CTNNA3: variants seen among roughly 807,000 people sequenced by gnomAD.
CTNNA3 encodes catenin alpha 3.
A neutral mutation model predicts 95.7 loss-of-function variants in CTNNA3; 76 were observed. That is an observed-to-expected ratio of 0.79 (90% CI 0.66 to 0.96). CTNNA3 has a LOEUF of 0.96. CTNNA3 is among the 40% of genes least tolerant of loss of function. The pLI, the probability that CTNNA3 is intolerant of heterozygous loss-of-function variation, is 0.00. For missense variants in CTNNA3, 1,191 were observed against 1,089.8 expected, an observed-to-expected ratio of 1.09 and a Z score of -1.31; for synonymous variants, 431 against 374.4, an observed-to-expected ratio of 1.15 and a Z score of -1.74.
intron 1 of CTNNA3, among the ~76,000 whole-genome samples, chr10:67,726,639 A>T (rs867534430): frequency 1.1e-3 from 2 of 1,770 alleles, no homozygotes; most frequent in Admixed American, 0.01. Flanking sequence ...TATTATATAT[A>T]ATATATACTA....
chr10:67,754,210 A>C (rs1010934481), intron 1 of CTNNA3, among the ~76,000 whole-genome samples: 1 of 152,188 alleles, frequency 6.6e-6, no homozygotes, highest in African/African-American at 2.4e-5. Context: ...AAACTCACAC[A>C]GGAACAGAAA....
chr10:66,048,536 G>A (rs921474441), intron 15 of CTNNA3, among the ~76,000 whole-genome samples: 6 of 152,098 alleles, frequency 3.9e-5, no homozygotes, highest in East Asian at 1.9e-4. Context: ...TGAGACGGGC[G>A]GATCACGAGG....
At chr10:67,177,921 C>T (rs1288900426) in intron 7 of CTNNA3, among the ~76,000 whole-genome samples, 1 of 152,178 alleles carries the variant, frequency 6.6e-6, no homozygotes, top group Non-Finnish European at 1.5e-5. Flanking sequence ...TACACAGGGG[C>T]AGCTTCAGGG....
At chr10:65,977,123 G>T (rs893048932) in intron 16 of CTNNA3, among the ~76,000 whole-genome samples, 1 of 152,052 alleles carries the variant, frequency 6.6e-6, no homozygotes, top group Non-Finnish European at 1.5e-5. Context: ...AGTAACATTT[G>T]CTTTAAAATA....
At chr10:66,195,198 C>T (rs2086887816) in intron 13 of CTNNA3, among the ~76,000 whole-genome samples, 1 of 151,698 alleles carries the variant, frequency 6.6e-6, no homozygotes, top group Non-Finnish European at 1.5e-5. Context: ...CAAGAGCTTC[C>T]CTGTATCTTT....
chr10:66,632,635 G>T (rs1389118581), intron 9 of CTNNA3, among the ~76,000 whole-genome samples: 1 of 151,412 alleles, frequency 6.6e-6, no homozygotes, highest in Non-Finnish European at 1.5e-5. Context: ...GTGTTTTTCA[G>T]GGTAATGGTA....
At chr10:67,204,475 G>A (rs111680855) in intron 6 of CTNNA3, among the ~76,000 whole-genome samples, 4,062 of 152,152 alleles carry the variant, frequency 0.027, 151 homozygotes, top group South Asian at 0.18. Context: ...AGAAGCTCTC[G>A]TGCTTCCTGT....
chr10:66,537,283 A>T (rs976932380), intron 10 of CTNNA3, among the ~76,000 whole-genome samples: 5 of 152,298 alleles, frequency 3.3e-5, no homozygotes, highest in African/African-American at 1.2e-4. Context: ...TTGCAATTAC[A>T]GTCACAAAGA....
chr10:66,442,808 T>A (rs10997129), intron 11 of CTNNA3, among the ~76,000 whole-genome samples: 1 of 150,834 alleles, frequency 6.6e-6, no homozygotes, highest in Non-Finnish European at 1.5e-5. Flanking sequence ...AGACAGTGGG[T>A]GCAGGACAGT....
intron 10 of CTNNA3, among the ~76,000 whole-genome samples, chr10:66,568,018 C>T (rs1182743412): frequency 2.0e-5 from 3 of 152,188 alleles, no homozygotes; most frequent in Non-Finnish European, 4.4e-5. Flanking sequence ...TTCACATTTA[C>T]AGTAATTACT....
intron 7 of CTNNA3, among the ~76,000 whole-genome samples, chr10:66,904,143 A>G (rs529095455): frequency 6.6e-6 from 1 of 152,332 alleles, no homozygotes; most frequent in East Asian, 1.9e-4. Context: ...AACAGTAACC[A>G]AAACAGCATG....
intron 9 of CTNNA3, among the ~76,000 whole-genome samples, chr10:66,732,279 C>T (rs1368834489): frequency 6.6e-6 from 1 of 152,144 alleles, no homozygotes; most frequent in Admixed American, 6.5e-5. Flanking sequence ...AGAGAAAAAT[C>T]TAGACCTCTC....
chr10:66,606,855 A>G (rs1450199754), intron 10 of CTNNA3, among the ~76,000 whole-genome samples: 1 of 152,116 alleles, frequency 6.6e-6, no homozygotes, highest in African/African-American at 2.4e-5. Context: ...TAACATCACA[A>G]CTAAAAGAAG....
chr10:67,725,183 T>C (rs1841202132), intron 1 of CTNNA3, among the ~76,000 whole-genome samples: 1 of 151,340 alleles, frequency 6.6e-6, no homozygotes, highest in African/African-American at 2.4e-5. Context: ...ATTTACCTTT[T>C]TTTTTTTTTT....
chr10:66,579,907 T>G (rs187654353), intron 10 of CTNNA3, among the ~76,000 whole-genome samples: 1 of 151,872 alleles, frequency 6.6e-6, no homozygotes, highest in East Asian at 1.9e-4. Flanking sequence ...CTTTAAACAT[T>G]TGTCTTTAAT....
At chr10:67,670,420 T>C (rs992340837) in intron 1 of CTNNA3, among the ~76,000 whole-genome samples, 2 of 152,266 alleles carry the variant, frequency 1.3e-5, no homozygotes, top group African/African-American at 4.8e-5. Flanking sequence ...ATCCCTAAAT[T>C]TTCCAAAATA....
chr10:67,047,732 CATTAA>C (rs1262777561), intron 7 of CTNNA3, among the ~76,000 whole-genome samples: 3 of 152,116 alleles, frequency 2.0e-5, no homozygotes, highest in Admixed American at 1.3e-4. Flanking sequence ...AAAGCTATTA[CATTAA>C]ATTAAATTAA....
intron 11 of CTNNA3, among the ~76,000 whole-genome samples, chr10:66,520,112 G>T (rs1024406468): frequency 6.6e-6 from 1 of 151,828 alleles, no homozygotes; most frequent in Non-Finnish European, 1.5e-5. Context: ...ATTACAAGAG[G>T]TCAGGCTCAT....
chr10:66,093,059 A>G (rs539315325), intron 14 of CTNNA3, among the ~76,000 whole-genome samples: 3 of 152,094 alleles, frequency 2.0e-5, no homozygotes, highest in African/African-American at 7.2e-5. Flanking sequence ...CCACTGTCTG[A>G]TAAGTAAGAG....
Sources: gnomAD v4.1 joint callset for allele counts (sites outside exome capture counted in the v4.1 genomes callset) on GRCh38, gnomAD v4.1.1 for gene constraint, MANE v1.5 for transcripts, NCBI Gene and HGNC (gene_info 2026-07-23, HGNC 2026-07-21) for gene names.